Variants in SGSM1 observed in about 807,000 individuals in gnomAD.
SGSM1 encodes small G protein signaling modulator 1.
A neutral mutation model predicts 133.8 loss-of-function variants in SGSM1; 73 were observed. That is an observed-to-expected ratio of 0.55 (90% confidence interval 0.45 to 0.66). SGSM1 has a LOEUF of 0.66. Ranked by LOEUF, SGSM1 falls within the 30% of genes least tolerant of loss-of-function variation. The probability of loss-of-function intolerance (pLI) is 0.00; values close to 1 mark genes in which losing one functional copy is unlikely to be tolerated. For synonymous variants in SGSM1, 563 were observed against 573.0 expected (o/e 0.98, Z 0.25); for missense variants, 1,213 against 1,448.1 (o/e 0.84, Z 2.64).
intron 10 of SGSM1, among the ~76,000 whole-genome samples, chr22:24,867,697 G>A (rs1931533549): frequency 1.3e-5 from 2 of 152,206 alleles, no homozygotes; most frequent in Non-Finnish European, 2.9e-5. Context: ...AGAAAGTACA[G>A]TCAGAGTAAG....
Position 24,855,038 on chromosome 22 carries a change from C to A in SGSM1, c.498C>A (p.Asp166Glu). The change falls in exon 6 of 25, where the codon GAC becomes GAA. Residue 166 changes from aspartate (D) to glutamate (E), a missense_variant. Physicochemically the swap from Asp to Glu is conservative, Grantham distance 45. Transcript: ENST00000400358. Reference sequence around the variant, plus strand: ...AAGCTCTCCTGATGGACCCTGTGGACGGCCCCATCCTTGCATCTTTGTTGG... The same window carrying A: ...AAGCTCTCCTGATGGACCCTGTGGAAGGCCCCATCCTTGCATCTTTGTTGG... ...EKEALLMDPV[D>E]GPILASLLVG... 6.2e-7 allele frequency: 1 copy of A among 1,613,386 alleles called. No individual in the cohort carries two copies. Among genetic ancestry groups the A allele is most frequent in the Non-Finnish European group, 8.5e-7 (1 of 1,179,712 alleles).
intron 5 of SGSM1, among the ~76,000 whole-genome samples, chr22:24,853,909 G>A (rs537755580): frequency 1.3e-4 from 20 of 151,854 alleles, no homozygotes; most frequent in East Asian, 5.8e-4. Flanking sequence ...GAGCCACTGC[G>A]CCTGGCCAAA....
At chr22:24,868,675 G>T (rs1931594696) in intron 11 of SGSM1, 48 bp from the exon 12 acceptor site, 1 of 1,609,200 alleles carries the variant, frequency 6.2e-7, no homozygotes, top group Admixed American at 1.7e-5. Flanking sequence ...AGCAAGTTGT[G>T]GGGACAGATG....
Position 24,924,315 on chromosome 22 carries a change from C to A in SGSM1, c.*41C>A. 3 of 1,560,702 alleles carry A rather than the reference C, an allele frequency of 1.9e-6. No homozygotes were observed. The highest frequency in any genetic ancestry group is 2.6e-6 in the Non-Finnish European group (3 of 1,132,990). ...GGCAGCCTCAGCCAAGCTGCCCCTG[C>A]CCCGCTCCTCTGCTTACTTTTCCTC... On this transcript the variant is annotated 3_prime_UTR_variant, in exon 25 of 25. Transcript: ENST00000400358.
In SGSM1 at chr22:24,898,442, G is replaced by A. The variant is rs1319505936; in HGVS notation, c.2493G>A (p.Glu831=). Residue 831 remains glutamate, a synonymous_variant, in exon 19 of 25, where the codon GAG becomes GAA. Transcript: ENST00000400358. ...ETEKHGQADS[E]DNLSEEPEME... is the part of the protein sequence containing the mutation. ...AGAAACATGGCCAGGCGGACAGTGA[G>A]GACAACCTCTCGGAGGAGCCTGAGA... is the stretch of plus-strand genomic sequence containing the variant. 5.6e-6 allele frequency: 9 copies of A among 1,613,804 alleles called. No individual in the cohort carries two copies. Among genetic ancestry groups the A allele is most frequent in the Middle Eastern group, 1.6e-4 (1 of 6,084 alleles).
intron 14 of SGSM1, among the ~76,000 whole-genome samples, chr22:24,883,434 T>C (rs1230778700): frequency 6.6e-6 from 1 of 152,210 alleles, no homozygotes; most frequent in African/African-American, 2.4e-5. Flanking sequence ...ACAGAGTCAC[T>C]GGCCACCTTC....
chr22:24,890,362 T>G (rs1301464934), intron 16 of SGSM1, among the ~76,000 whole-genome samples: 2 of 152,180 alleles, frequency 1.3e-5, no homozygotes, highest in Non-Finnish European at 2.9e-5. Context: ...CACAAGAAGC[T>G]GCAAAAGTAA....
At chr22:24,851,942 C>T (rs1930506546) in intron 5 of SGSM1, among the ~76,000 whole-genome samples, 1 of 152,222 alleles carries the variant, frequency 6.6e-6, no homozygotes, top group Non-Finnish European at 1.5e-5. Flanking sequence ...GTCTCTGCCT[C>T]CTGCCCCATG....
intron 8 of SGSM1, among the ~76,000 whole-genome samples, chr22:24,858,713 C>A (rs1930957141): frequency 6.6e-6 from 1 of 151,980 alleles, no homozygotes; most frequent in Non-Finnish European, 1.5e-5. Context: ...ACGTGCCTGC[C>A]TTGCCAGCAT....
chr22:24,912,235 A>G (rs188049557), intron 21 of SGSM1, among the ~76,000 whole-genome samples: 165 of 152,332 alleles, frequency 1.1e-3, no homozygotes, highest in African/African-American at 3.7e-3. Context: ...TCTGAATACA[A>G]TATGGACTTT....
intron 12 of SGSM1, among the ~76,000 whole-genome samples, chr22:24,869,631 T>C (rs1931665248): frequency 6.6e-6 from 1 of 152,244 alleles, no homozygotes; most frequent in South Asian, 2.1e-4. Flanking sequence ...TTTATAAAGA[T>C]TCAATGAGAT....
intron 5 of SGSM1, among the ~76,000 whole-genome samples, chr22:24,851,036 G>T (rs1403227546): frequency 8.0e-5 from 12 of 149,696 alleles, no homozygotes. Context: ...GGGAGGTAGA[G>T]CTTGCAGTGA....
At chr22:24,875,916 G>A (rs898476474) in intron 12 of SGSM1, among the ~76,000 whole-genome samples, 1 of 152,214 alleles carries the variant, frequency 6.6e-6, no homozygotes, top group East Asian at 1.9e-4. Context: ...TATACCTGCT[G>A]TATCAAAATT....
At chr22:24,908,943 C>A (rs559850664) in intron 21 of SGSM1, among the ~76,000 whole-genome samples, 3 of 151,956 alleles carry the variant, frequency 2.0e-5, no homozygotes, top group Non-Finnish European at 2.9e-5. Flanking sequence ...TACATCGGGG[C>A]CCCAAGCCCT....
intron 2 of SGSM1, among the ~76,000 whole-genome samples, chr22:24,828,608 A>G (rs1928928334): frequency 6.6e-6 from 1 of 152,176 alleles, no homozygotes; most frequent in Non-Finnish European, 1.5e-5. Context: ...AGAAAATGGA[A>G]TGCTTACACA....
chr22:24,824,957 G>A lies in SGSM1; in HGVS notation c.63+18473G>A, dbSNP rs562491350. On this transcript the variant is annotated intron_variant, in intron 2 of 24. Transcript: ENST00000400358. ...CTGCTTGCTCCTCGGTGCCTGTCTCGCAGGAGCACTCGAGAAATATTGAGT... is the reference window on the plus strand; with the variant it reads ...CTGCTTGCTCCTCGGTGCCTGTCTCACAGGAGCACTCGAGAAATATTGAGT... 1.3e-4 allele frequency among the ~76,000 whole-genome samples: 20 copies of A among 152,284 alleles called. No individual in the cohort carries two copies. The South Asian group carries it at 2.9e-3, about 22-fold the overall frequency.
intron 21 of SGSM1, among the ~76,000 whole-genome samples, chr22:24,910,935 A>T (rs546475308): frequency 9.9e-5 from 15 of 152,132 alleles, no homozygotes; most frequent in South Asian, 2.1e-4. Flanking sequence ...ACACAGCAAG[A>T]CTCTGTCTCA....
At chr22:24,919,490 T>G (rs1355312117) in intron 23 of SGSM1, among the ~76,000 whole-genome samples, 1 of 152,096 alleles carries the variant, frequency 6.6e-6, no homozygotes. Flanking sequence ...ATAGCAGGTG[T>G]TGCTTGTCAA....
intron 2 of SGSM1, 25 bp from the exon 3 acceptor site, chr22:24,844,872 C>A: frequency 6.2e-7 from 1 of 1,612,504 alleles, no homozygotes; most frequent in Non-Finnish European, 8.5e-7. Flanking sequence ...GGACCTCTTC[C>A]CCTCCGGTCA....
Sources: gnomAD v4.1 joint callset for allele counts (sites outside exome capture counted in the v4.1 genomes callset) on GRCh38, gnomAD v4.1.1 for gene constraint, MANE v1.5 for transcripts, NCBI Gene and HGNC (gene_info 2026-07-23, HGNC 2026-07-21) for gene names.